Variants in KLHL13 observed in about 807,000 individuals in gnomAD.
KLHL13 encodes kelch like family member 13, also known as kelch-like protein 13.
Under a neutral mutation model 37.1 loss-of-function variants are expected in KLHL13, and 10 were observed. The observed-to-expected ratio is 0.27, with a 90% confidence interval of 0.17 to 0.46. The LOEUF is 0.46. KLHL13 is among the 20% of genes least tolerant of loss of function. The pLI is 1.00. For missense variants in KLHL13, 360 were observed against 509.3 expected (o/e 0.71, Z 2.82); for synonymous variants, 163 against 181.2 (o/e 0.90, Z 0.81).
intron 1 of KLHL13, among the ~76,000 whole-genome samples, chrX:117,967,611 A>G (rs2053458486): frequency 8.9e-6 from 1 of 112,009 alleles, no homozygotes; most frequent in Non-Finnish European, 1.9e-5. Context: ...GTATAAAAAA[A>G]GGAATCTAGA....
chrX:118,110,360 CTTTTCTAT>C (rs1425157002), intron 1 of KLHL13, among the ~76,000 whole-genome samples: 1 of 104,819 alleles, frequency 9.5e-6, no homozygotes, highest in Non-Finnish European at 1.9e-5. Flanking sequence ...CTCTTTTCTA[CTTTTCTAT>C]TTCTTTTTCT....
intron 5 of KLHL13, among the ~76,000 whole-genome samples, chrX:117,908,400 C>T (rs1368325701): frequency 9.2e-6 from 1 of 108,749 alleles, no homozygotes; most frequent in Non-Finnish European, 1.9e-5. Context: ...CCTAGCCCCC[C>T]AACCCCAGAC....
chrX:117,970,487 G>T (rs2147895403), intron 1 of KLHL13, among the ~76,000 whole-genome samples: 1 of 111,614 alleles, frequency 9.0e-6, no homozygotes, highest in African/African-American at 3.2e-5. Flanking sequence ...ACCTATGTTT[G>T]CCAGCCAAAC....
intron 1 of KLHL13, among the ~76,000 whole-genome samples, chrX:118,032,525 A>C (rs1331187978): frequency 8.9e-6 from 1 of 112,052 alleles, no homozygotes; most frequent in Non-Finnish European, 1.9e-5. Flanking sequence ...CCTGCAGCTG[A>C]GGGTCCTGTC....
intron 1 of KLHL13, among the ~76,000 whole-genome samples, chrX:117,965,797 CA>C (rs2053415137): frequency 8.9e-6 from 1 of 111,754 alleles, no homozygotes; most frequent in Non-Finnish European, 1.9e-5. Context: ...GAACTAACAA[CA>C]AAAACCACAT....
At chrX:117,909,313 C>A in exon 5 of KLHL13, 1 of 1,183,445 alleles carries the variant, frequency 8.4e-7, no homozygotes, top group Non-Finnish European at 1.1e-6. Context: ...AGTTCACCTG[C>A]TGCATTTCGC....
At chrX:118,087,417 C>A (rs2148141338) in intron 1 of KLHL13, among the ~76,000 whole-genome samples, 1 of 109,202 alleles carries the variant, frequency 9.2e-6, no homozygotes, top group East Asian at 2.8e-4. Flanking sequence ...ATATATATAT[C>A]TTCTGTGAGT....
At chrX:118,015,920 C>T (rs773603931) in intron 1 of KLHL13, among the ~76,000 whole-genome samples, 3 of 110,966 alleles carry the variant, frequency 2.7e-5, no homozygotes, top group Non-Finnish European at 5.7e-5. Context: ...ACAATTATTG[C>T]CACGCTTACT....
intron 1 of KLHL13, among the ~76,000 whole-genome samples, chrX:118,034,185 G>C (rs1452223347): frequency 9.7e-6 from 1 of 103,293 alleles, no homozygotes; most frequent in African/African-American, 4.1e-5. Flanking sequence ...AGATCAACGA[G>C]ACAGAAAGTT....
chrX:118,099,413 A>AAT (rs1443111028), intron 1 of KLHL13, among the ~76,000 whole-genome samples: 1 of 111,918 alleles, frequency 8.9e-6, no homozygotes, highest in Non-Finnish European at 1.9e-5. Flanking sequence ...AGTAAGTATT[A>AAT]ATATGTGTCT....
chrX:117,948,031 G>C (rs910419363), intron 1 of KLHL13: 2 of 111,907 alleles, frequency 1.8e-5, no homozygotes, highest in African/African-American at 6.5e-5. Context: ...TGTGGGGAGG[G>C]GGAGCAGGAG....
chrX:117,988,194 T>C (rs1238574187), intron 1 of KLHL13, among the ~76,000 whole-genome samples: 1 of 112,137 alleles, frequency 8.9e-6, no homozygotes, highest in Non-Finnish European at 1.9e-5. Flanking sequence ...TTCACATAAC[T>C]AGTTCATCTC....
At position 118,043,134 on chromosome X, in the gene KLHL13, C is replaced by A. The variant is rs370619153; in HGVS notation, c.-56+73374G>T. 3.1e-4 allele frequency among the ~76,000 whole-genome samples: 34 copies of A among 111,026 alleles called. 1 individual carries two copies. The highest frequency in any genetic ancestry group is 8.5e-4 in the African/African-American group (26 of 30,642). ...AATACATGACAATAAATTGGAAAAT[C>A]GAGAATAAATTAATAAATTTATAGA... On this transcript the variant is annotated intron_variant, in intron 1 of 6. Transcript: ENST00000371882.
At chrX:117,921,341 A>C (rs1002891408) in intron 2 of KLHL13, among the ~76,000 whole-genome samples, 1 of 112,194 alleles carries the variant, frequency 8.9e-6, no homozygotes, top group Non-Finnish European at 1.9e-5. Flanking sequence ...TGATGTGATT[A>C]AAATATCATG....
chrX:117,899,072 T>C (rs1929920335), exon 7 of KLHL13: 1 of 1,209,596 alleles, frequency 8.3e-7, no homozygotes, highest in Admixed American at 2.2e-5. Flanking sequence ...ATCTCTACCA[T>C]ACAACGATTA....
At chrX:118,029,622 A>G (rs2054314037) in intron 1 of KLHL13, among the ~76,000 whole-genome samples, 1 of 112,462 alleles carries the variant, frequency 8.9e-6, no homozygotes, top group Non-Finnish European at 1.9e-5. Context: ...TAATAAAATC[A>G]ATTTATTACA....
intron 1 of KLHL13, among the ~76,000 whole-genome samples, chrX:118,113,470 C>A (rs1003559953): frequency 8.9e-6 from 1 of 112,381 alleles, no homozygotes; most frequent in Non-Finnish European, 1.9e-5. Flanking sequence ...GGCTCTGTAA[C>A]ATCTTCTTTA....
At chrX:117,969,439 C>T (rs931818412) in intron 1 of KLHL13, among the ~76,000 whole-genome samples, 13 of 111,730 alleles carry the variant, frequency 1.2e-4, no homozygotes, top group African/African-American at 3.2e-4. Context: ...GGCTAAATGA[C>T]AGAGTAATTT....
intron 1 of KLHL13, among the ~76,000 whole-genome samples, chrX:118,013,163 A>T (rs958806077): frequency 6.2e-5 from 7 of 112,111 alleles, no homozygotes; most frequent in Non-Finnish European, 9.4e-5. Flanking sequence ...GTGAAAGGGG[A>T]TAGAAAATAA....
Sources: allele counts gnomAD v4.1 joint callset (sites outside exome capture counted in the v4.1 genomes callset), GRCh38; gene constraint gnomAD v4.1.1; transcripts MANE v1.5; gene names NCBI Gene and HGNC (gene_info 2026-07-23, HGNC 2026-07-21).